CD1B: variants seen among roughly 807,000 people sequenced by gnomAD.
CD1B encodes CD1b molecule.
Under a neutral mutation model 39.8 loss-of-function variants are expected in CD1B, and 43 were observed. The observed-to-expected ratio is 1.08, with a 90% CI of 0.85 to 1.39. The LOEUF is 1.39. Ranked by LOEUF, CD1B falls within the 40% of genes most tolerant of loss-of-function variation. The pLI is 0.00. For synonymous variants in CD1B, 192 were observed against 152.5 expected (o/e 1.26, Z -1.91); for missense variants, 495 against 403.8 (o/e 1.23, Z -1.94).
chr1:158,304,762 C>T, the CD1B span, among the ~76,000 whole-genome samples: 111 of 152,302 alleles, frequency 7.3e-4, no homozygotes, highest in African/African-American at 2.5e-3. Context: ...TAATCGGCAG[C>T]AACATTTGCT....
chr1:158,305,951 C>T, the CD1B span, among the ~76,000 whole-genome samples: 1 of 152,188 alleles, frequency 6.6e-6, no homozygotes, highest in Non-Finnish European at 1.5e-5. Context: ...TGAAAAGGAA[C>T]AAGTGGTACC....
the CD1B span, among the ~76,000 whole-genome samples, chr1:158,314,148 G>A: frequency 2.0e-5 from 3 of 152,000 alleles, no homozygotes; most frequent in East Asian, 3.9e-4. Flanking sequence ...GCAGTGGCAC[G>A]ATCTCTGCTC....
rs1652470047 is a variant in CD1B, at chr1:158,328,971, C to T, written c.930G>A (p.Val310=). The T allele has an allele frequency of 6.2e-7, 1 of 1,613,660 alleles. No individual in the cohort carries two copies. The highest frequency in any genetic ancestry group is 1.3e-5 in the African/African-American group (1 of 74,794). Residue 310 remains valine (V), a synonymous_variant, in exon 5 of 6, where the codon GTG becomes GTA. Coordinates refer to ENST00000368168, the MANE Select transcript of CD1B (RefSeq NM_001764.3). ...SIGSIVLAII[V]PSLLLLLCLA... The stretch of plus-strand genomic sequence containing the variant: ...GGCATAGCAAAAGGAGCAAGGAAGG[C>T]ACTATTATTGCCAAAACAATTGAGC...
At chr1:158,303,660 A>C in the CD1B span, among the ~76,000 whole-genome samples, 1 of 152,198 alleles carries the variant, frequency 6.6e-6, no homozygotes, top group Non-Finnish European at 1.5e-5. Flanking sequence ...CAAGAACACA[A>C]TCACATTCAC....
At chr1:158,293,280 G>A in the CD1B span, 2 of 1,613,996 alleles carry the variant, frequency 1.2e-6, no homozygotes, top group Non-Finnish European at 1.7e-6. Context: ...AATAGTCCTT[G>A]TGTTATGGTT....
chr1:158,328,687 A>T (rs562626368), intron 5 of CD1B, among the ~76,000 whole-genome samples: 13 of 152,292 alleles, frequency 8.5e-5, no homozygotes, highest in Non-Finnish European at 1.3e-4. Context: ...ATGTGAACAC[A>T]CTTAACACCA....
In CD1B at chr1:158,330,118, A is replaced by T; in HGVS notation, c.341T>A (p.Ile114Asn). ...GDFQMKYPFEIQGIAGCELHS... is the reference protein window; with the variant it reads ...GDFQMKYPFENQGIAGCELHS... ...TAGCTCACAGCCTGCTATGCCCTGGATCTCAAAGGGGTCTATGTAGAGGGA... is the reference window on the plus strand; with the variant it reads ...TAGCTCACAGCCTGCTATGCCCTGGTTCTCAAAGGGGTCTATGTAGAGGGA... The change falls in exon 3 of 6, where the codon ATC becomes AAC. Residue 114 changes from isoleucine (I) to asparagine (N), a missense_variant. By Grantham distance (149) the Ile-to-Asn change is moderately radical. Coordinates refer to ENST00000368168, the MANE Select transcript of CD1B (RefSeq NM_001764.3). 1 of 1,613,144 alleles carries T rather than the reference A, an allele frequency of 6.2e-7. No homozygotes were observed. The highest frequency in any genetic ancestry group is 2.2e-5 in the East Asian group (1 of 44,884).
chr1:158,305,339 A>G, the CD1B span, among the ~76,000 whole-genome samples: 1 of 152,204 alleles, frequency 6.6e-6, no homozygotes, highest in Non-Finnish European at 1.5e-5. Context: ...GGTATCAGTG[A>G]TGGAAGATCA....
At position 158,331,448 on chromosome 1, in the gene CD1B, C is replaced by G; in HGVS notation, c.-25G>C. 1 of 1,595,892 alleles carries G rather than the reference C, an allele frequency of 6.3e-7. No homozygotes were observed. The highest frequency in any genetic ancestry group is 8.6e-7 in the Non-Finnish European group (1 of 1,163,958). On this transcript the variant is annotated 5_prime_UTR_variant, in exon 1 of 6. Coordinates refer to ENST00000368168, the MANE Select transcript of CD1B (RefSeq NM_001764.3). ...TTTCACTGGGAGATGCAACTTCTTA[C>G]TGGCAGAGCTGGTATTTGATCTCCA... is the stretch of plus-strand genomic sequence containing the variant.
chr1:158,322,853 A>T, the CD1B span, among the ~76,000 whole-genome samples: 2 of 152,214 alleles, frequency 1.3e-5, no homozygotes, highest in Non-Finnish European at 2.9e-5. Context: ...GTTTCTGCTG[A>T]AAAGTCTGCT....
chr1:158,323,878 G>A (rs571645729), downstream of CD1B, among the ~76,000 whole-genome samples: 1 of 152,308 alleles, frequency 6.6e-6, no homozygotes, highest in East Asian at 1.9e-4. Flanking sequence ...TGTGGGAGGA[G>A]CTGGAGCTGA....
chr1:158,324,886 G>C (rs1652293610), downstream of CD1B, among the ~76,000 whole-genome samples: 2 of 152,190 alleles, frequency 1.3e-5, no homozygotes, highest in Admixed American at 1.3e-4. Flanking sequence ...GACTTGAAAA[G>C]AATCTCATTG....
At chr1:158,301,899 CTCCCTGTCACTT>C in the CD1B span, among the ~76,000 whole-genome samples, 1 of 152,146 alleles carries the variant, frequency 6.6e-6, no homozygotes, top group Non-Finnish European at 1.5e-5. Flanking sequence ...TGGTTCCATT[CTCCCTGTCACTT>C]TCAGGTACAC....
At chr1:158,290,776 G>C in the CD1B span, among the ~76,000 whole-genome samples, 1 of 152,192 alleles carries the variant, frequency 6.6e-6, no homozygotes, top group Non-Finnish European at 1.5e-5. Context: ...ATGACATGCT[G>C]TTTCTGTAGT....
At chr1:158,311,721 T>A in the CD1B span, among the ~76,000 whole-genome samples, 1 of 152,174 alleles carries the variant, frequency 6.6e-6, no homozygotes, top group South Asian at 2.1e-4. Context: ...ATATGGATAT[T>A]CAGTTTTCCC....
chr1:158,318,272 C>T, the CD1B span, among the ~76,000 whole-genome samples: 1 of 152,248 alleles, frequency 6.6e-6, no homozygotes, highest in East Asian at 1.9e-4. Context: ...GTGTTAAAGT[C>T]TCCCATTATT....
At chr1:158,325,565 T>C (rs1038730699), downstream of CD1B, among the ~76,000 whole-genome samples, 3 of 152,196 alleles carry the variant, frequency 2.0e-5, no homozygotes, top group African/African-American at 7.2e-5. Context: ...GAGAAGTTTA[T>C]AAATATTTTA....
At chr1:158,305,862 T>A in the CD1B span, among the ~76,000 whole-genome samples, 1 of 152,096 alleles carries the variant, frequency 6.6e-6, no homozygotes, top group East Asian at 1.9e-4. Flanking sequence ...AATAAAATAG[T>A]TTACAGACAA....
chr1:158,291,449 C>T, the CD1B span: 1 of 1,581,480 alleles, frequency 6.3e-7, no homozygotes, highest in Non-Finnish European at 8.7e-7. Flanking sequence ...TGTTCTATTT[C>T]AGGGAAATAT....
Sources: allele counts gnomAD v4.1 joint callset (sites outside exome capture counted in the v4.1 genomes callset), GRCh38; gene constraint gnomAD v4.1.1; transcripts MANE v1.5; gene names NCBI Gene and HGNC (gene_info 2026-07-23, HGNC 2026-07-21).